STK17B: variants seen among roughly 807,000 people sequenced by gnomAD.
The protein encoded by STK17B is serine/threonine-protein kinase 17B.
Under a neutral mutation model 42.0 loss-of-function variants are expected in STK17B, and 21 were observed. That is an observed-to-expected ratio of 0.50 (90% CI 0.35 to 0.72). The LOEUF is 0.72. Ranked by LOEUF, STK17B falls within the 30% of genes least tolerant of loss-of-function variation. STK17B has a pLI of 0.00. For synonymous variants in STK17B, 143 were observed against 148.4 expected, an observed-to-expected ratio of 0.96 and a Z score of 0.26; for missense variants, 349 against 446.0, an observed-to-expected ratio of 0.78 and a Z score of 1.96.
intron 1 of STK17B, among the ~76,000 whole-genome samples, chr2:196,164,050 A>AAAT (rs2105711475): frequency 6.6e-6 from 1 of 151,472 alleles, no homozygotes; most frequent in South Asian, 2.1e-4. Flanking sequence ...ATAAATAAAT[A>AAAT]AATAAATAAA....
chr2:196,135,031 CTT>C lies in STK17B; in HGVS notation c.*2414_*2415del, dbSNP rs1699377374. On this transcript the variant is annotated 3_prime_UTR_variant, in exon 8 of 8. Coordinates refer to ENST00000263955, the MANE Select transcript of STK17B (RefSeq NM_004226.4). Reference sequence around the variant, plus strand: ...CACTAGTTGCTTTTTTACTATAAAACTTAATATCAGGAAAAAAGGCATGGAAA... The same window carrying C: ...CACTAGTTGCTTTTTTACTATAAAACAATATCAGGAAAAAAGGCATGGAAA... 1.3e-5 allele frequency: 2 copies of C among 152,020 alleles called. No homozygotes were observed. The highest frequency in any genetic ancestry group is 4.8e-5 in the African/African-American group (2 of 41,402). 9.4% of individuals were successfully genotyped at this position (152,020 alleles called of 1,614,324 possible). A position where few individuals can be genotyped will look rare whatever the true frequency, so the allele number is the denominator to read the frequency against.
intron 3 of STK17B, among the ~76,000 whole-genome samples, chr2:196,149,138 G>A (rs17300868): frequency 0.089 from 13,489 of 151,786 alleles, 746 homozygotes; most frequent in Non-Finnish European, 0.12. Flanking sequence ...TCTGACACAC[G>A]GTAAATATTC....
At chr2:196,159,442 C>T (rs1004332047) in intron 2 of STK17B, among the ~76,000 whole-genome samples, 1 of 151,864 alleles carries the variant, frequency 6.6e-6, no homozygotes, top group African/African-American at 2.4e-5. Context: ...TCCTGTGTAG[C>T]TGGGACCACA....
rs974744305 is a variant in STK17B, at chr2:196,134,500, A to G, written c.*2947T>C. The G allele has an allele frequency of 6.6e-6, 1 of 152,162 alleles. No homozygotes were observed. The highest frequency in any genetic ancestry group is 1.5e-5 in the Non-Finnish European group (1 of 68,024). The allele number at this position is 152,162 out of a possible 1,614,324, so 9.4% of individuals were successfully genotyped here. A position where few individuals can be genotyped will look rare whatever the true frequency, so the allele number is the denominator to read the frequency against. On this transcript the variant is annotated 3_prime_UTR_variant, in exon 8 of 8. Transcript: ENST00000263955. ...TGAATCATCCTGAAACCATCCCCCT[A>G]AACCCCCAGTCCTGTGGAAAAATTT...
rs1247757820 is a variant in STK17B at position 196,136,014 on chromosome 2, G to T, written c.*1433C>A. Reference sequence around the variant, plus strand: ...TGTGGTCAAATAAAGTGACCTGATAGTTATTCAAAAAGTTTTAAGTTATTA... The same window carrying T: ...TGTGGTCAAATAAAGTGACCTGATATTTATTCAAAAAGTTTTAAGTTATTA... On this transcript the variant is annotated 3_prime_UTR_variant, in exon 8 of 8. Coordinates refer to ENST00000263955, the MANE Select transcript of STK17B (RefSeq NM_004226.4). 2.0e-5 allele frequency: 3 copies of T among 152,004 alleles called. No homozygotes were observed. The highest frequency in any genetic ancestry group is 7.3e-5 in the African/African-American group (3 of 41,368). 9.4% of individuals were successfully genotyped at this position (152,004 alleles called of 1,614,324 possible). A position where few individuals can be genotyped will look rare whatever the true frequency, so the allele number is the denominator to read the frequency against.
chr2:196,144,758 T>A (rs1243308830), intron 4 of STK17B, among the ~76,000 whole-genome samples: 1 of 152,108 alleles, frequency 6.6e-6, no homozygotes, highest in Non-Finnish European at 1.5e-5. Flanking sequence ...CACGGCCTAT[T>A]ACAAAGTCCC....
chr2:196,156,740 G>T lies in STK17B; in HGVS notation c.123-89C>A, dbSNP rs1026529450. ...GATTCTGTTATACCTCCAACTTAAA[G>T]TCAATTCTTTGAAATATCTGTGTCA... On this transcript the variant is annotated intron_variant, in intron 2 of 7. Coordinates refer to ENST00000263955, the MANE Select transcript of STK17B (RefSeq NM_004226.4). 76 of 981,074 alleles carry T rather than the reference G, an allele frequency of 7.7e-5. 2 individuals are homozygous for T. In the South Asian group the frequency reaches 1.2e-3, roughly 15 times the overall value. 60.8% of individuals were successfully genotyped at this position (981,074 alleles called of 1,614,324 possible).
chr2:196,158,847 TA>T (rs1052878510), intron 2 of STK17B, among the ~76,000 whole-genome samples: 4 of 151,846 alleles, frequency 2.6e-5, no homozygotes, highest in Non-Finnish European at 4.4e-5. Flanking sequence ...CCGTCTCTAC[TA>T]AAAATACAAA....
intron 3 of STK17B, 150 bp downstream of exon 3, chr2:196,156,289 T>A: frequency 1.5e-6 from 1 of 688,338 alleles, no homozygotes; most frequent in Non-Finnish European, 2.4e-6. Context: ...TTTAGTCTTA[T>A]GAAAATATCT....
At chr2:196,175,231 G>C (rs1171125297), upstream of STK17B, among the ~76,000 whole-genome samples, 1 of 151,976 alleles carries the variant, frequency 6.6e-6, no homozygotes, top group South Asian at 2.1e-4. Context: ...TCCCAATTCA[G>C]ATGCCAAATT....
At chr2:196,147,774 C>G (rs1227678406) in intron 3 of STK17B, among the ~76,000 whole-genome samples, 1 of 150,880 alleles carries the variant, frequency 6.6e-6, no homozygotes, top group East Asian at 2.0e-4. Flanking sequence ...ACTCTGTTGC[C>G]AGGCTGGAGT....
At chr2:196,139,256 G>A (rs918101078) in intron 7 of STK17B, among the ~76,000 whole-genome samples, 15 of 152,140 alleles carry the variant, frequency 9.9e-5, no homozygotes, top group Non-Finnish European at 5.9e-5. Context: ...GAGCCACCGC[G>A]CCCGGCCGTA....
At chr2:196,159,270 A>G (rs541637553) in intron 2 of STK17B, among the ~76,000 whole-genome samples, 35 of 151,954 alleles carry the variant, frequency 2.3e-4, no homozygotes, top group African/African-American at 7.7e-4. Flanking sequence ...ATCTGTAAAT[A>G]ACACTTCTTA....
chr2:196,163,232 G>A (rs749333160), intron 2 of STK17B, 30 bp downstream of exon 2: 1 of 1,601,884 alleles, frequency 6.2e-7, no homozygotes, highest in South Asian at 1.1e-5. Flanking sequence ...TTTGAATTTA[G>A]ATGGCATACA....
In STK17B at chr2:196,146,030, G is replaced by A; in HGVS notation, c.361C>T (p.Leu121=). The change falls in exon 4 of 8, where the codon CTG becomes TTG. Residue 121 remains leucine, a synonymous_variant. Coordinates refer to ENST00000263955, the MANE Select transcript of STK17B (RefSeq NM_004226.4). Reference sequence around the variant, plus strand: ...ATTTCAGCCAACTCAGGTAAACACAGGCTGAAAATTTCTCCACCTGCAGCA... The same window carrying A: ...ATTTCAGCCAACTCAGGTAAACACAAGCTGAAAATTTCTCCACCTGCAGCA... ...EYAAGGEIFS[L]CLPELAEMVS... is the part of the protein sequence containing the mutation. The A allele has an allele frequency of 6.3e-7, 1 of 1,589,138 alleles. No homozygotes were observed. Among genetic ancestry groups the A allele is most frequent in the Non-Finnish European group, 8.5e-7 (1 of 1,173,122 alleles).
intron 6 of STK17B, among the ~76,000 whole-genome samples, 199 bp from the exon 7 acceptor site, chr2:196,139,998 G>C (rs541310062): frequency 6.6e-6 from 1 of 152,210 alleles, no homozygotes; most frequent in Admixed American, 6.5e-5. Flanking sequence ...GAACACAAGG[G>C]AATGCACGTG....
intron 6 of STK17B, 135 bp downstream of exon 6, chr2:196,141,114 T>C: frequency 1.5e-6 from 1 of 660,190 alleles, no homozygotes; most frequent in Non-Finnish European, 2.6e-6. Flanking sequence ...TATTTTCCTG[T>C]AGCATAATAA....
chr2:196,135,070 G>A lies in STK17B; in HGVS notation c.*2377C>T, dbSNP rs553159422. The A allele has an allele frequency of 2.6e-5, 4 of 152,176 alleles. No individual in the cohort carries two copies. Among genetic ancestry groups the A allele is most frequent in the Non-Finnish European group, 4.4e-5 (3 of 67,990 alleles). The allele number at this position is 152,176 out of a possible 1,614,324, so 9.4% of individuals were successfully genotyped here. A position where few individuals can be genotyped will look rare whatever the true frequency, so the allele number is the denominator to read the frequency against. On this transcript the variant is annotated 3_prime_UTR_variant, in exon 8 of 8. Coordinates refer to ENST00000263955, the MANE Select transcript of STK17B (RefSeq NM_004226.4). Reference sequence around the variant, plus strand: ...AAAAGGCATGGAAATTTACAGCTCTGTATTCTACTACTTAAAGGTAGATGT... The same window carrying A: ...AAAAGGCATGGAAATTTACAGCTCTATATTCTACTACTTAAAGGTAGATGT...
chr2:196,172,919 G>T (rs1393958325), upstream of STK17B, among the ~76,000 whole-genome samples: 2 of 152,122 alleles, frequency 1.3e-5, no homozygotes, highest in Admixed American at 6.5e-5. Flanking sequence ...CATAGGTGTT[G>T]CATTCCAGAG....
Sources: allele counts gnomAD v4.1 joint callset (sites outside exome capture counted in the v4.1 genomes callset), GRCh38; gene constraint gnomAD v4.1.1; transcripts MANE v1.5; gene names NCBI Gene and HGNC (gene_info 2026-07-23, HGNC 2026-07-21).